Variants in IMMP1L observed in about 807,000 individuals in gnomAD.
IMMP1L encodes inner mitochondrial membrane peptidase subunit 1, also known as mitochondrial inner membrane protease subunit 1.
In IMMP1L, 24 loss-of-function variants were observed where a neutral mutation model predicts 21.8. The observed-to-expected ratio is 1.10, with a 90% CI of 0.80 to 1.55. The LOEUF is 1.55. IMMP1L is among the 40% of genes most tolerant of loss of function. The pLI is 0.00. For missense variants in IMMP1L, 195 were observed against 200.7 expected, an observed-to-expected ratio of 0.97 and a Z score of 0.17; for synonymous variants, 46 against 62.8, an observed-to-expected ratio of 0.73 and a Z score of 1.26.
intron 1 of IMMP1L, chr11:31,469,903 G>C (rs1042027393): frequency 1.3e-5 from 2 of 151,976 alleles, no homozygotes; most frequent in African/African-American, 2.4e-5. Flanking sequence ...CTTTACATAA[G>C]AAATAATTAA....
chr11:31,456,387 C>G lies in IMMP1L; in HGVS notation c.195-1G>C. ...GCTTTTTGCAATCACAATGTCACCTCTGAGGGGGAAAAGTCAAAGAAATGT... is the reference window on the plus strand; with the variant it reads ...GCTTTTTGCAATCACAATGTCACCTGTGAGGGGGAAAAGTCAAAGAAATGT... On this transcript the variant is annotated splice_acceptor_variant, in intron 3 of 5. Coordinates refer to ENST00000532287, the MANE Select transcript of IMMP1L (RefSeq NM_001304274.2). LOFTEE classifies it high-confidence loss of function. The G allele has an allele frequency of 6.2e-7, 1 of 1,609,076 alleles. No individual in the cohort carries two copies. Among genetic ancestry groups the G allele is most frequent in the Non-Finnish European group, 8.5e-7 (1 of 1,176,800 alleles).
At chr11:31,433,765 T>C in intron 4 of IMMP1L, 195 bp from the exon 5 acceptor site, 1 of 425,284 alleles carries the variant, frequency 2.4e-6, no homozygotes, top group Non-Finnish European at 4.1e-6. Context: ...GGTTTCAACT[T>C]TTTTAAAAAC....
chr11:31,485,643 G>A (rs1024832149), intron 1 of IMMP1L, among the ~76,000 whole-genome samples: 5 of 151,856 alleles, frequency 3.3e-5, no homozygotes, highest in Non-Finnish European at 4.4e-5. Context: ...AGGCAAATGC[G>A]TTGATTTTAA....
At chr11:31,463,338 A>G (rs1056478448) in intron 1 of IMMP1L, 33 bp from the exon 2 acceptor site, 11 of 1,534,746 alleles carry the variant, frequency 7.2e-6, no homozygotes, top group African/African-American at 1.4e-5. Flanking sequence ...TTCATGATCA[A>G]TACTATTTAA....
At chr11:31,482,697 A>G (rs571089891) in intron 1 of IMMP1L, among the ~76,000 whole-genome samples, 3 of 152,192 alleles carry the variant, frequency 2.0e-5, no homozygotes, top group East Asian at 3.9e-4. Flanking sequence ...TGGGGGGAAA[A>G]AAACGAGTGT....
chr11:31,467,022 T>G (rs1954381133), intron 1 of IMMP1L, among the ~76,000 whole-genome samples: 1 of 152,126 alleles, frequency 6.6e-6, no homozygotes, highest in African/African-American at 2.4e-5. Context: ...TGTATCCCAT[T>G]AATACATACA....
At chr11:31,481,585 A>C (rs1386489617) in intron 1 of IMMP1L, among the ~76,000 whole-genome samples, 1 of 151,974 alleles carries the variant, frequency 6.6e-6, no homozygotes, top group Admixed American at 6.6e-5. Context: ...TGGACAAGAT[A>C]AAAACTAAAA....
intron 1 of IMMP1L, among the ~76,000 whole-genome samples, chr11:31,497,710 A>C (rs751546360): frequency 6.6e-6 from 1 of 152,082 alleles, no homozygotes; most frequent in African/African-American, 2.4e-5. Flanking sequence ...TCCGCCTGCC[A>C]AAGTGTTGGG....
intron 4 of IMMP1L, chr11:31,452,593 T>A (rs1953793397): frequency 2.0e-6 from 2 of 985,438 alleles, no homozygotes; most frequent in Admixed American, 1.2e-4. Flanking sequence ...AAAGGCAACA[T>A]ACTCAAGATG....
intron 4 of IMMP1L, among the ~76,000 whole-genome samples, chr11:31,441,280 T>TA (rs1393887011): frequency 7.3e-5 from 11 of 151,298 alleles, no homozygotes; most frequent in African/African-American, 2.7e-4. Flanking sequence ...TGATGCAGGT[T>TA]GGGGGAGCTT....
chr11:31,494,713 C>T (rs996695663), intron 1 of IMMP1L, among the ~76,000 whole-genome samples: 1 of 151,932 alleles, frequency 6.6e-6, no homozygotes, highest in African/African-American at 2.4e-5. Flanking sequence ...GTGATCTAGG[C>T]TCACTGCAAG....
At chr11:31,447,380 C>T (rs1256642928) in intron 4 of IMMP1L, among the ~76,000 whole-genome samples, 1 of 152,134 alleles carries the variant, frequency 6.6e-6, no homozygotes, top group Non-Finnish European at 1.5e-5. Context: ...AGTCTGTGTC[C>T]CTAGACCTAC....
chr11:31,479,122 G>A lies in IMMP1L; in HGVS notation c.-29-15817C>T, dbSNP rs12099207. Among the ~76,000 whole-genome samples, 800 of 151,970 alleles carry A rather than the reference G, an allele frequency of 5.3e-3. 10 individuals are homozygous for A. Among genetic ancestry groups the A allele is most frequent in the African/African-American group, 0.019 (769 of 41,510 alleles). ...AGAATAAATCTAAGGATGTGAAGAC[G>A]TTGTAAGTTTTATATAAAAAAAAAG... On this transcript the variant is annotated intron_variant, in intron 1 of 5. Coordinates refer to ENST00000532287, the MANE Select transcript of IMMP1L (RefSeq NM_001304274.2).
At chr11:31,456,595 G>T (rs1438400826) in intron 3 of IMMP1L, among the ~76,000 whole-genome samples, 4 of 151,812 alleles carry the variant, frequency 2.6e-5, no homozygotes, top group Admixed American at 2.0e-4. Context: ...TGATAAAAAG[G>T]CTATCTAAAA....
intron 2 of IMMP1L, among the ~76,000 whole-genome samples, chr11:31,462,389 A>AT (rs1308217526): frequency 6.6e-6 from 1 of 151,746 alleles, no homozygotes; most frequent in Non-Finnish European, 1.5e-5. Flanking sequence ...ACTGGAGGTT[A>AT]TGTGACTGTC....
At chr11:31,458,447 A>C (rs1490264442) in intron 3 of IMMP1L, among the ~76,000 whole-genome samples, 2 of 152,144 alleles carry the variant, frequency 1.3e-5, no homozygotes, top group Non-Finnish European at 2.9e-5. Flanking sequence ...AAGAATAAGC[A>C]ATAGTAAAAA....
intron 4 of IMMP1L, among the ~76,000 whole-genome samples, chr11:31,436,788 T>A (rs1158285948): frequency 6.6e-6 from 1 of 152,182 alleles, no homozygotes; most frequent in Admixed American, 6.5e-5. Context: ...AAAAAACATC[T>A]AGAACATATG....
intron 4 of IMMP1L, among the ~76,000 whole-genome samples, chr11:31,443,628 G>T (rs1224621356): frequency 6.6e-6 from 1 of 152,174 alleles, no homozygotes; most frequent in East Asian, 1.9e-4. Context: ...TAAAGGGATT[G>T]TAGAGACCAG....
At chr11:31,500,291 A>G (rs956808117) in intron 1 of IMMP1L, among the ~76,000 whole-genome samples, 2 of 152,162 alleles carry the variant, frequency 1.3e-5, no homozygotes, top group African/African-American at 4.8e-5. Context: ...TTTAAGGAAA[A>G]CACGAGCATG....
Sources: allele counts gnomAD v4.1 joint callset (sites outside exome capture counted in the v4.1 genomes callset), GRCh38; gene constraint gnomAD v4.1.1; transcripts MANE v1.5; gene names NCBI Gene and HGNC (gene_info 2026-07-23, HGNC 2026-07-21).